Variants in KALRN observed in about 807,000 individuals in gnomAD.
KALRN encodes kalirin.
In KALRN, 70 loss-of-function variants were observed where a neutral mutation model predicts 353.7. That is an observed-to-expected ratio of 0.20 (90% CI 0.16 to 0.24). The LOEUF (loss-of-function observed/expected upper bound fraction) is 0.24. Among genes scored for constraint, KALRN ranks in the 10% least tolerant of loss-of-function variants. KALRN has a pLI of 1.00. For synonymous variants in KALRN, 1,391 were observed against 1,434.8 expected (o/e 0.97, Z 0.69); for missense variants, 2,791 against 3,756.7 (o/e 0.74, Z 6.72).
At chr3:124,665,454 T>A (rs922532794) in intron 45 of KALRN, among the ~76,000 whole-genome samples, 1 of 152,314 alleles carries the variant, frequency 6.6e-6, no homozygotes, top group East Asian at 1.9e-4. Context: ...ATTAGTTTTT[T>A]AAAATTTATT....
chr3:124,694,191 T>TG, intron 52 of KALRN, 141 bp from the exon 53 acceptor site: 2 of 746,692 alleles, frequency 2.7e-6, no homozygotes, highest in South Asian at 3.7e-5. Flanking sequence ...GAGACCCAGA[T>TG]GACTCACCAG....
chr3:124,102,946 C>T (rs2061995907), intron 1 of KALRN, among the ~76,000 whole-genome samples: 1 of 152,166 alleles, frequency 6.6e-6, no homozygotes, highest in African/African-American at 2.4e-5. Flanking sequence ...TATCACTTCC[C>T]GTTTCACAGA....
chr3:124,112,309 A>C (rs970110114), intron 1 of KALRN, among the ~76,000 whole-genome samples: 36 of 151,306 alleles, frequency 2.4e-4, no homozygotes, highest in Middle Eastern at 3.4e-3. Flanking sequence ...TCTCACAAAA[A>C]AAAAAAAAAA....
At chr3:124,319,859 T>C (rs2079145412) in intron 6 of KALRN, among the ~76,000 whole-genome samples, 1 of 151,858 alleles carries the variant, frequency 6.6e-6, no homozygotes, top group East Asian at 1.9e-4. Flanking sequence ...CCAGGCATGG[T>C]GACATGCGCC....
chr3:124,119,241 C>G (rs2063745997), intron 1 of KALRN, among the ~76,000 whole-genome samples: 1 of 152,108 alleles, frequency 6.6e-6, no homozygotes. Flanking sequence ...GGTGCAGGCT[C>G]CTCATTAAGA....
chr3:124,498,767 A>C (rs772246349), intron 33 of KALRN, among the ~76,000 whole-genome samples: 16 of 152,090 alleles, frequency 1.1e-4, no homozygotes, highest in Non-Finnish European at 1.6e-4. Flanking sequence ...CTTCTAACAC[A>C]AAACAGTGAT....
chr3:124,300,525 T>C (rs2077182962), intron 6 of KALRN, among the ~76,000 whole-genome samples: 1 of 152,010 alleles, frequency 6.6e-6, no homozygotes, highest in Non-Finnish European at 1.5e-5. Context: ...GCTGGACACA[T>C]GCTGGCTCTG....
chr3:124,163,814 G>A (rs1318337874), intron 1 of KALRN: 5 of 985,212 alleles, frequency 5.1e-6, no homozygotes, highest in Non-Finnish European at 6.0e-6. Context: ...CTTGCTCCTG[G>A]GCCACCTGAC....
At chr3:124,331,873 A>C (rs2080600524) in intron 8 of KALRN, among the ~76,000 whole-genome samples, 1 of 152,144 alleles carries the variant, frequency 6.6e-6, no homozygotes, top group Non-Finnish European at 1.5e-5. Context: ...TGCTTCCTAC[A>C]GATGTAGAGA....
chr3:124,082,220 T>G, intron 1 of KALRN: 1 of 469,502 alleles, frequency 2.1e-6, no homozygotes, highest in Non-Finnish European at 4.4e-6. Context: ...GATTCTTCAT[T>G]GAGGAAAAGT....
intron 1 of KALRN, among the ~76,000 whole-genome samples, chr3:124,192,862 T>C (rs1215286078): frequency 6.6e-6 from 1 of 152,190 alleles, no homozygotes; most frequent in African/African-American, 2.4e-5. Context: ...TAAATTGCTG[T>C]TGTTTAAGCT....
intron 6 of KALRN, among the ~76,000 whole-genome samples, chr3:124,318,608 G>C (rs1390937595): frequency 6.6e-6 from 1 of 152,128 alleles, no homozygotes; most frequent in Non-Finnish European, 1.5e-5. Flanking sequence ...AGGAGATGAG[G>C]CTGAGCTTTT....
At chr3:124,536,438 G>A (rs527686420) in intron 33 of KALRN, among the ~76,000 whole-genome samples, 1 of 152,266 alleles carries the variant, frequency 6.6e-6, no homozygotes, top group East Asian at 1.9e-4. Flanking sequence ...CTGACCTCAG[G>A]TGATTCGCCT....
At chr3:124,501,475 G>C (rs1415143333) in intron 33 of KALRN, among the ~76,000 whole-genome samples, 1 of 152,198 alleles carries the variant, frequency 6.6e-6, no homozygotes, top group Admixed American at 6.5e-5. Context: ...GGGAAGGAAG[G>C]CTTGGGTAGG....
At chr3:124,315,737 T>C (rs1389776905) in intron 6 of KALRN, among the ~76,000 whole-genome samples, 4 of 152,158 alleles carry the variant, frequency 2.6e-5, no homozygotes, top group Non-Finnish European at 4.4e-5. Flanking sequence ...AAGCAGTTAA[T>C]TTGTCCGAAA....
chr3:124,419,905 A>G (rs1282078409), intron 14 of KALRN, among the ~76,000 whole-genome samples: 1 of 152,250 alleles, frequency 6.6e-6, no homozygotes, highest in East Asian at 1.9e-4. Context: ...TGAGAGCAGT[A>G]AAGTCAACAC....
intron 1 of KALRN, among the ~76,000 whole-genome samples, chr3:124,119,673 G>T (rs956662102): frequency 2.6e-5 from 4 of 152,200 alleles, no homozygotes; most frequent in Admixed American, 1.3e-4. Context: ...CTGAAGCATG[G>T]TCTAGCATTG....
At chr3:124,434,797 G>T (rs2093405615) in intron 17 of KALRN, among the ~76,000 whole-genome samples, 1 of 152,216 alleles carries the variant, frequency 6.6e-6, no homozygotes, top group South Asian at 2.1e-4. Context: ...CTAAATGCTA[G>T]ATTTGGGCAG....
intron 34 of KALRN, among the ~76,000 whole-genome samples, chr3:124,574,219 A>G (rs1484635511): frequency 6.6e-6 from 1 of 152,212 alleles, no homozygotes; most frequent in Non-Finnish European, 1.5e-5. Flanking sequence ...TGTCAGGGCA[A>G]GCCACATCCT....
Sources: gnomAD v4.1 joint callset for allele counts (sites outside exome capture counted in the v4.1 genomes callset) on GRCh38, gnomAD v4.1.1 for gene constraint, MANE v1.5 for transcripts, NCBI Gene and HGNC (gene_info 2026-07-23, HGNC 2026-07-21) for gene names.